Variants in PCDH15 observed in about 807,000 individuals in gnomAD.
PCDH15 encodes protocadherin-15.
PCDH15 carries 129 observed loss-of-function variants against 178.5 expected under a neutral mutation model. That is an observed-to-expected ratio of 0.72 (90% CI 0.63 to 0.84). The LOEUF (loss-of-function observed/expected upper bound fraction) is 0.84, where lower values mean the gene tolerates loss of function less well. PCDH15 is among the 40% of genes least tolerant of loss of function. The pLI, the probability that PCDH15 is intolerant of heterozygous loss-of-function variation, is 0.00. For missense variants in PCDH15, 2,230 were observed against 2,099.9 expected (o/e 1.06, Z -1.21); for synonymous variants, 800 against 732.0 (o/e 1.09, Z -1.50).
At chr10:53,991,238 C>T (rs113412706) in intron 21 of PCDH15, among the ~76,000 whole-genome samples, 12,658 of 152,220 alleles carry the variant, frequency 0.083, 1,549 homozygotes, top group African/African-American at 0.26. Context: ...CCTGCAGCCC[C>T]GGCGTGGGAT....
intron 2 of PCDH15, among the ~76,000 whole-genome samples, chr10:55,519,921 C>T (rs969450363): frequency 6.6e-6 from 1 of 150,636 alleles, no homozygotes; most frequent in African/African-American, 2.4e-5. Context: ...TTGAATGTTA[C>T]TTAACTTCTC....
chr10:55,199,628 C>T (rs1187329436), intron 1 of PCDH15, among the ~76,000 whole-genome samples: 1 of 152,030 alleles, frequency 6.6e-6, no homozygotes, highest in Non-Finnish European at 1.5e-5. Context: ...GAAAATGCCT[C>T]CAGGGCATTT....
chr10:55,348,085 A>T (rs1390900672), intron 2 of PCDH15, among the ~76,000 whole-genome samples: 1 of 152,096 alleles, frequency 6.6e-6, no homozygotes, highest in Non-Finnish European at 1.5e-5. Flanking sequence ...CACAAGGAAT[A>T]CTTGGGCCCA....
chr10:55,486,463 T>G (rs1840300922), intron 2 of PCDH15, among the ~76,000 whole-genome samples: 3 of 122,562 alleles, frequency 2.4e-5, no homozygotes, highest in African/African-American at 8.9e-5. Context: ...TTATATGTTG[T>G]ACATTTTATA....
intron 2 of PCDH15, among the ~76,000 whole-genome samples, chr10:55,425,675 A>C (rs112844537): frequency 0.07 from 10,438 of 149,552 alleles, 801 homozygotes; most frequent in African/African-American, 0.19. Context: ...CACACACAAA[A>C]AAAAACAGTG....
At chr10:54,327,040 TA>T (rs1214516888) in intron 7 of PCDH15, among the ~76,000 whole-genome samples, 2 of 152,084 alleles carry the variant, frequency 1.3e-5, no homozygotes, top group African/African-American at 4.8e-5. Flanking sequence ...CCTGAAATGC[TA>T]AAAACTTGTC....
chr10:55,291,740 A>G (rs527806135), intron 1 of PCDH15, among the ~76,000 whole-genome samples: 2 of 152,314 alleles, frequency 1.3e-5, no homozygotes, highest in Admixed American at 1.3e-4. Context: ...CATACCTAAG[A>G]CTGGGCAATT....
At chr10:53,973,913 G>A (rs567411666) in intron 21 of PCDH15, among the ~76,000 whole-genome samples, 2 of 152,284 alleles carry the variant, frequency 1.3e-5, no homozygotes, top group East Asian at 3.9e-4. Context: ...CAAAATAGGA[G>A]CATGCTATTA....
rs534850310 is a variant in PCDH15 at position 54,073,837 on chromosome 10, A to G, written c.2091+5494T>C. Reference sequence around the variant, plus strand: ...CTGATCACTGTTCGCATATTTATTTATATCTTTCACTGTGTTATTGGTTGA... The same window carrying G: ...CTGATCACTGTTCGCATATTTATTTGTATCTTTCACTGTGTTATTGGTTGA... On this transcript the variant is annotated intron_variant, in intron 17 of 37. Coordinates refer to ENST00000644397, the MANE Select transcript of PCDH15 (RefSeq NM_001384140.1). Among the ~76,000 whole-genome samples the G allele has an allele frequency of 1.1e-4, 16 of 152,338 alleles. No individual in the cohort carries two copies. The East Asian group carries it at 2.7e-3, about 26-fold the overall frequency.
chr10:54,262,995 G>T (rs2132324871), intron 8 of PCDH15, among the ~76,000 whole-genome samples: 1 of 144,176 alleles, frequency 6.9e-6, no homozygotes, highest in East Asian at 1.9e-4. Flanking sequence ...CCATACTGGT[G>T]TTGCACCCAT....
chr10:54,181,666 G>A (rs2047996948), intron 13 of PCDH15, among the ~76,000 whole-genome samples: 1 of 152,100 alleles, frequency 6.6e-6, no homozygotes, highest in Admixed American at 6.5e-5. Context: ...ACTAGTTACA[G>A]TTTTGCCCTG....
chr10:53,992,118 G>A (rs756605274), intron 21 of PCDH15, among the ~76,000 whole-genome samples: 2 of 151,808 alleles, frequency 1.3e-5, no homozygotes, highest in African/African-American at 2.4e-5. Flanking sequence ...GAACCCACTG[G>A]GAGGAATGAG....
chr10:55,237,554 T>C (rs1841416212), intron 1 of PCDH15, among the ~76,000 whole-genome samples: 2 of 152,158 alleles, frequency 1.3e-5, no homozygotes, highest in Admixed American at 1.3e-4. Context: ...ATTATTTGTG[T>C]TCATTACAAT....
chr10:53,969,840 CAAGAGCTCCTA>C (rs1164136866), intron 21 of PCDH15, among the ~76,000 whole-genome samples: 2 of 152,136 alleles, frequency 1.3e-5, no homozygotes, highest in Non-Finnish European at 2.9e-5. Context: ...GCATGCCTTA[CAAGAGCTCCTA>C]AAAGGAAGCA....
At position 53,823,313 on chromosome 10, in the gene PCDH15, T is replaced by A. The variant is rs1392907899; in HGVS notation, c.4368-3083A>T. 2.0e-5 allele frequency: 32 copies of A among 1,613,816 alleles called. No individual in the cohort carries two copies. The highest frequency in any genetic ancestry group is 2.6e-5 in the Non-Finnish European group (31 of 1,179,892). ...GTTGATGTTTCCTGTCTTCTGAGAC[T>A]GAGTTATTTCCCCTGCTTTGTTGAA... On this transcript the variant is annotated intron_variant, in intron 32 of 37. Transcript: ENST00000644397.
chr10:54,426,632 C>T lies in PCDH15; in HGVS notation c.158-47690G>A, dbSNP rs867807248. Among the ~76,000 whole-genome samples the T allele has an allele frequency of 3.9e-5, 6 of 152,192 alleles. 1 individual carries two copies. The highest frequency in any genetic ancestry group is 6.8e-3 in the Middle Eastern group (2 of 294). On this transcript the variant is annotated intron_variant, in intron 3 of 37. Transcript: ENST00000644397. Reference sequence around the variant, plus strand: ...TGTCTTTCAGATCTGCTGTTTGTCTCGACTCAAGTCTAGCTACCTGAAAAT... The same window carrying T: ...TGTCTTTCAGATCTGCTGTTTGTCTTGACTCAAGTCTAGCTACCTGAAAAT...
intron 3 of PCDH15, among the ~76,000 whole-genome samples, chr10:54,493,915 G>A (rs1041519789): frequency 6.6e-5 from 10 of 152,032 alleles, no homozygotes; most frequent in African/African-American, 2.4e-4. Flanking sequence ...CATAAAAAAT[G>A]ATGAGTTCAT....
intron 2 of PCDH15, among the ~76,000 whole-genome samples, chr10:55,382,035 G>A (rs1423068958): frequency 6.6e-6 from 1 of 152,138 alleles, no homozygotes; most frequent in Non-Finnish European, 1.5e-5. Flanking sequence ...ACAGCTATAA[G>A]TCATCCTACC....
intron 20 of PCDH15, among the ~76,000 whole-genome samples, chr10:54,007,603 C>T (rs1166819979): frequency 6.6e-6 from 1 of 152,044 alleles, no homozygotes; most frequent in South Asian, 2.1e-4. Flanking sequence ...ATTCTTAAAA[C>T]TTGACACTAA....
Sources: gnomAD v4.1 joint callset for allele counts (sites outside exome capture counted in the v4.1 genomes callset) on GRCh38, gnomAD v4.1.1 for gene constraint, MANE v1.5 for transcripts, NCBI Gene and HGNC (gene_info 2026-07-23, HGNC 2026-07-21) for gene names.